The following ANKS1B variants were observed in gnomAD, a reference collection of about 807,000 sequenced individuals.
ANKS1B encodes ankyrin repeat and sterile alpha motif domain-containing protein 1B.
Under a neutral mutation model 148.3 loss-of-function variants are expected in ANKS1B, and 36 were observed. The ratio of observed to expected loss-of-function variants is 0.24; its 90% confidence interval spans 0.19 to 0.32. The LOEUF is 0.32. ANKS1B is among the 10% of genes least tolerant of loss of function. ANKS1B has a pLI of 1.00. For synonymous variants in ANKS1B, 542 were observed against 560.8 expected (o/e 0.97, Z 0.47); for missense variants, 1,157 against 1,542.6 (o/e 0.75, Z 4.19).
In ANKS1B at chr12:99,785,537, G is replaced by A. The variant is rs140530919; in HGVS notation, c.670-3440C>T. Among the ~76,000 whole-genome samples the A allele has an allele frequency of 4.3e-3, 658 of 152,040 alleles. 3 individuals carry two copies. The highest frequency in any genetic ancestry group is 0.015 in the African/African-American group (623 of 41,480). On this transcript the variant is annotated intron_variant, in intron 4 of 26. Coordinates refer to ENST00000683438, the MANE Select transcript of ANKS1B (RefSeq NM_001352186.2). ...CAACCTCCGTCTCCCAGGTGCAAGC[G>A]ATTCTCCTGCCTCAGCTTCCCAAGT...
chr12:99,049,327 C>A (rs1232813431), intron 17 of ANKS1B, among the ~76,000 whole-genome samples: 1 of 152,004 alleles, frequency 6.6e-6, no homozygotes, highest in Non-Finnish European at 1.5e-5. Context: ...CACACACCCA[C>A]ACACTCTCAC....
At chr12:98,735,502 G>A (rs1235945437) in exon 10 of ANKS1B, 4 of 655,438 alleles carry the variant, frequency 6.1e-6, no homozygotes, top group East Asian at 5.2e-5. Context: ...AAGGATTCAA[G>A]CTAAATACAT....
intron 11 of ANKS1B, among the ~76,000 whole-genome samples, chr12:99,418,987 G>A (rs2152705000): frequency 6.7e-6 from 1 of 149,380 alleles, no homozygotes; most frequent in South Asian, 2.1e-4. Context: ...ACCTCACTTT[G>A]TAATTGTATA....
chr12:99,923,376 T>G (rs1170657931), intron 1 of ANKS1B, among the ~76,000 whole-genome samples: 2 of 152,194 alleles, frequency 1.3e-5, no homozygotes, highest in Admixed American at 6.5e-5. Flanking sequence ...TTAACAAGTC[T>G]AAATCCACGG....
At position 99,088,278 on chromosome 12, in the gene ANKS1B, C is replaced by T. The variant is rs564980177; in HGVS notation, c.2527-3255G>A. 1.1e-3 allele frequency among the ~76,000 whole-genome samples: 172 copies of T among 152,038 alleles called. 1 individual carries two copies. The highest frequency in any genetic ancestry group is 3.6e-3 in the African/African-American group (149 of 41,394). ...AGCCTTTTGTCCAAACACTAGGGGA[C>T]TTGGAGTCTGCAGAACTGGGTTTGG... is the stretch of plus-strand genomic sequence containing the variant. On this transcript the variant is annotated intron_variant, in intron 15 of 26. Coordinates refer to ENST00000683438, the MANE Select transcript of ANKS1B (RefSeq NM_001352186.2).
chr12:98,853,753 T>A (rs781030572), intron 17 of ANKS1B, among the ~76,000 whole-genome samples: 2 of 152,188 alleles, frequency 1.3e-5, no homozygotes, highest in Non-Finnish European at 2.9e-5. Flanking sequence ...TGTGCCTCCC[T>A]CTCAAACCAG....
At chr12:99,707,831 G>GA (rs200734266) in intron 8 of ANKS1B, among the ~76,000 whole-genome samples, 11 of 150,714 alleles carry the variant, frequency 7.3e-5, no homozygotes, top group East Asian at 3.9e-4. Flanking sequence ...ATTGCTAAAG[G>GA]AAAAAAAAAG....
At chr12:99,586,837 C>A (rs1330735058) in intron 9 of ANKS1B, among the ~76,000 whole-genome samples, 1 of 152,132 alleles carries the variant, frequency 6.6e-6, no homozygotes, top group East Asian at 1.9e-4. Context: ...ATCAGATCTC[C>A]TGAGACTTAT....
chr12:98,902,213 C>A (rs937617540), intron 17 of ANKS1B, among the ~76,000 whole-genome samples: 1 of 152,230 alleles, frequency 6.6e-6, no homozygotes, highest in African/African-American at 2.4e-5. Flanking sequence ...AAGGCCCAAA[C>A]CACATACAGC....
chr12:99,805,055 TTAGAC>T (rs1276317457), intron 4 of ANKS1B, among the ~76,000 whole-genome samples: 1 of 152,034 alleles, frequency 6.6e-6, no homozygotes, highest in Non-Finnish European at 1.5e-5. Context: ...TCAGTTGAGC[TTAGAC>T]TAAATTGCCA....
intron 20 of ANKS1B, among the ~76,000 whole-genome samples, chr12:98,804,530 G>T (rs1294295590): frequency 6.6e-6 from 1 of 151,734 alleles, no homozygotes; most frequent in Non-Finnish European, 1.5e-5. Flanking sequence ...TCCAACAACT[G>T]GACTTAACAT....
intron 9 of ANKS1B, chr12:99,648,359 T>C (rs2098392664): frequency 6.2e-7 from 1 of 1,614,052 alleles, no homozygotes; most frequent in African/African-American, 1.3e-5. Flanking sequence ...GTGATTGACG[T>C]GCACAACCGT....
chr12:99,528,432 C>CAAAAAAAAAAA (rs537716638), intron 9 of ANKS1B, among the ~76,000 whole-genome samples: 1 of 96,694 alleles, frequency 1.0e-5, no homozygotes, highest in Non-Finnish European at 2.2e-5. Flanking sequence ...AAAACAAAAA[C>CAAAAAAAAAAA]AAAAAAAAAA....
At chr12:98,893,260 C>T (rs1483967185) in intron 17 of ANKS1B, among the ~76,000 whole-genome samples, 2 of 152,166 alleles carry the variant, frequency 1.3e-5, no homozygotes, top group East Asian at 3.8e-4. Flanking sequence ...CTGAGGAAGC[C>T]TTTCCGGTGG....
At chr12:99,671,863 T>G (rs2098539605) in intron 8 of ANKS1B, among the ~76,000 whole-genome samples, 1 of 152,120 alleles carries the variant, frequency 6.6e-6, no homozygotes, top group African/African-American at 2.4e-5. Context: ...TAAATTTTTT[T>G]TGGTTGAAAA....
chr12:98,933,911 C>A (rs991071407), intron 17 of ANKS1B, among the ~76,000 whole-genome samples: 1 of 151,828 alleles, frequency 6.6e-6, no homozygotes, highest in Non-Finnish European at 1.5e-5. Context: ...AGAATAACCT[C>A]GTATCTGATA....
At chr12:98,966,662 A>G (rs917535782) in intron 17 of ANKS1B, among the ~76,000 whole-genome samples, 1 of 152,172 alleles carries the variant, frequency 6.6e-6, no homozygotes, top group African/African-American at 2.4e-5. Flanking sequence ...ATGTCCAACA[A>G]TGATAGATTG....
intron 17 of ANKS1B, among the ~76,000 whole-genome samples, chr12:98,968,645 G>C (rs1204579871): frequency 2.0e-5 from 3 of 152,080 alleles, no homozygotes; most frequent in Admixed American, 6.6e-5. Context: ...CTCTCCTAAA[G>C]CTCCTTCCTA....
intron 8 of ANKS1B, among the ~76,000 whole-genome samples, chr12:99,751,738 G>A (rs1397992580): frequency 6.6e-6 from 1 of 152,010 alleles, no homozygotes; most frequent in Non-Finnish European, 1.5e-5. Context: ...TCAAGAACAA[G>A]AAACAATCAG....
Sources: allele counts gnomAD v4.1 joint callset (sites outside exome capture counted in the v4.1 genomes callset), GRCh38; gene constraint gnomAD v4.1.1; transcripts MANE v1.5; gene names NCBI Gene and HGNC (gene_info 2026-07-23, HGNC 2026-07-21).